NIPBL: variants seen among roughly 807,000 people sequenced by gnomAD.
NIPBL encodes the protein nipped-B-like protein.
A neutral mutation model predicts 321.8 loss-of-function variants in NIPBL; 19 were observed. The observed-to-expected ratio is 0.06, with a 90% confidence interval of 0.04 to 0.09. The LOEUF (loss-of-function observed/expected upper bound fraction) is 0.09, where lower values mean the gene tolerates loss of function less well. Among genes scored for constraint, NIPBL ranks in the 10% least tolerant of loss-of-function variants. The probability of loss-of-function intolerance (pLI) is 1.00; values close to 1 mark genes in which losing one functional copy is unlikely to be tolerated. For missense variants in NIPBL, 2,210 were observed against 3,327.0 expected (o/e 0.66, Z 8.26); for synonymous variants, 1,106 against 1,114.1 (o/e 0.99, Z 0.14).
At chr5:37,020,404 T>A in intron 25 of NIPBL, 55 bp from the exon 26 acceptor site, 1 of 1,236,190 alleles carries the variant, frequency 8.1e-7, no homozygotes. Context: ...CTTTATTAAC[T>A]TGGAAATCTT....
At chr5:36,970,766 A>T (rs915634855) in intron 6 of NIPBL, 110 bp from the exon 7 acceptor site, 2 of 938,692 alleles carry the variant, frequency 2.1e-6, no homozygotes, top group Non-Finnish European at 3.4e-6. Context: ...AGTATCTGTT[A>T]TATTATTCTC....
Position 37,006,504 on chromosome 5 carries a change from A to G in NIPBL, c.4003A>G (p.Arg1335Gly). ...KAVYIEDVIE[R>G]VIQYTKFHLQ... ...TGTGTACATTGAGGATGTAATTGAA[A>G]GAGTTATACAGTACACTAAATTTCA... The change falls in exon 17 of 47, where the codon AGA becomes GGA. Residue 1335 changes from arginine (R) to glycine (G), a missense_variant. Physicochemically the swap from Arg to Gly is moderately radical, Grantham distance 125. Around this residue, in one of 14 missense-constraint regions of NIPBL, gnomAD observed 381 missense variants for 642.3 expected, o/e 0.59. Transcript: ENST00000282516. The G allele has an allele frequency of 6.2e-7, 1 of 1,612,308 alleles. No homozygotes were observed. The highest frequency in any genetic ancestry group is 8.5e-7 in the Non-Finnish European group (1 of 1,178,624).
chr5:37,000,047 TGAA>T (rs1378096273), intron 11 of NIPBL, among the ~76,000 whole-genome samples: 1 of 152,192 alleles, frequency 6.6e-6, no homozygotes, highest in African/African-American at 2.4e-5. Context: ...CAATTAATCT[TGAA>T]GTTTAGGTAT....
At chr5:37,021,053 C>T (rs1561170458) in intron 27 of NIPBL, among the ~76,000 whole-genome samples, 176 bp downstream of exon 27, 1 of 152,268 alleles carries the variant, frequency 6.6e-6, no homozygotes, top group East Asian at 1.9e-4. Context: ...AATCCCAACA[C>T]TTTGGGAAGC....
chr5:37,063,394 G>A (rs1755006478), intron 45 of NIPBL, among the ~76,000 whole-genome samples: 1 of 152,198 alleles, frequency 6.6e-6, no homozygotes, highest in African/African-American at 2.4e-5. Context: ...AAAGAGGGGA[G>A]ATAACTAGAA....
At chr5:37,008,778 C>T in intron 20 of NIPBL, 55 bp downstream of exon 20, 4 of 883,704 alleles carry the variant, frequency 4.5e-6, no homozygotes, top group Non-Finnish European at 5.8e-6. Flanking sequence ...TATATTGAAC[C>T]GTCATACATT....
intron 39 of NIPBL, among the ~76,000 whole-genome samples, 193 bp from the exon 40 acceptor site, chr5:37,048,918 C>G (rs1319899440): frequency 6.6e-6 from 1 of 151,724 alleles, no homozygotes; most frequent in East Asian, 1.9e-4. Flanking sequence ...ATAGTTCTCA[C>G]TGGGTTCTCA....
intron 40 of NIPBL, chr5:37,050,981 C>T (rs1753479332): frequency 6.6e-6 from 1 of 152,228 alleles, no homozygotes; most frequent in African/African-American, 2.4e-5. Context: ...AGGTGTGCGC[C>T]ACCACCTGGC....
At chr5:36,981,915 G>A (rs918350099) in intron 9 of NIPBL, among the ~76,000 whole-genome samples, 3 of 151,764 alleles carry the variant, frequency 2.0e-5, no homozygotes, top group Middle Eastern at 3.2e-3. Context: ...CCTGTATTGT[G>A]GTTGAGGGGT....
chr5:36,992,683 C>T (rs1031327801), intron 10 of NIPBL, among the ~76,000 whole-genome samples: 1 of 151,754 alleles, frequency 6.6e-6, no homozygotes, highest in African/African-American at 2.4e-5. Context: ...TTGAAGATCT[C>T]AGGCCTGAAT....
chr5:37,002,852 A>G (rs770509717), intron 15 of NIPBL, 87 bp downstream of exon 15: 16 of 813,032 alleles, frequency 2.0e-5, no homozygotes, highest in Non-Finnish European at 3.2e-5. Context: ...TATAAAATTT[A>G]TGTAAAGTAA....
intron 1 of NIPBL, among the ~76,000 whole-genome samples, chr5:36,894,646 T>C (rs937738365): frequency 1.3e-5 from 2 of 152,102 alleles, no homozygotes; most frequent in Non-Finnish European, 2.9e-5. Context: ...TATGTTTTTT[T>C]CCCCCCACTG....
intron 1 of NIPBL, among the ~76,000 whole-genome samples, chr5:36,916,456 A>G (rs1384781484): frequency 6.6e-6 from 1 of 152,094 alleles, no homozygotes; most frequent in East Asian, 1.9e-4. Flanking sequence ...AGTGCCCTCA[A>G]TTTTTACAGC....
intron 1 of NIPBL, among the ~76,000 whole-genome samples, chr5:36,900,114 A>G (rs1747087556): frequency 1.3e-5 from 2 of 152,150 alleles, no homozygotes; most frequent in South Asian, 4.1e-4. Context: ...AATCTTCACT[A>G]CAGTTCTTGA....
At chr5:37,003,499 ATTG>A in intron 16 of NIPBL, 152 bp downstream of exon 16, 5 of 568,688 alleles carry the variant, frequency 8.8e-6, no homozygotes, top group South Asian at 2.4e-5. Context: ...ATTACAGTCT[ATTG>A]TTCTGTTTTT....
intron 3 of NIPBL, among the ~76,000 whole-genome samples, chr5:36,957,886 G>A (rs1486450093): frequency 6.6e-6 from 1 of 152,008 alleles, no homozygotes; most frequent in Non-Finnish European, 1.5e-5. Context: ...GGGAGGCTGA[G>A]GCAAGAGAAT....
At chr5:36,944,737 G>C (rs1331809568) in intron 1 of NIPBL, among the ~76,000 whole-genome samples, 1 of 151,130 alleles carries the variant, frequency 6.6e-6, no homozygotes, top group Non-Finnish European at 1.5e-5. Flanking sequence ...TGATGTGCTA[G>C]TAAAAAAAAA....
intron 43 of NIPBL, among the ~76,000 whole-genome samples, chr5:37,058,343 T>C (rs1754316640): frequency 6.6e-6 from 1 of 152,224 alleles, no homozygotes; most frequent in African/African-American, 2.4e-5. Flanking sequence ...AATGTTGTTA[T>C]AATGTGCCCC....
At chr5:36,905,735 A>G (rs1371596219) in intron 1 of NIPBL, among the ~76,000 whole-genome samples, 3 of 151,674 alleles carry the variant, frequency 2.0e-5, no homozygotes, top group African/African-American at 4.8e-5. Context: ...TCTGAAAACT[A>G]TGTTTTTGTT....
Sources: gnomAD v4.1 joint callset for allele counts (sites outside exome capture counted in the v4.1 genomes callset) on GRCh38, gnomAD v4.1.1 for gene constraint, gnomAD v4.1.1 regional missense constraint, MANE v1.5 for transcripts, NCBI Gene and HGNC (gene_info 2026-07-23, HGNC 2026-07-21) for gene names.